The following EGFL6 variants were observed in gnomAD, a reference collection of about 807,000 sequenced individuals.
The protein encoded by EGFL6 is EGF like domain multiple 6.
In EGFL6, 42 loss-of-function variants were observed where a neutral mutation model predicts 43.1. The observed-to-expected ratio is 0.98, with a 90% CI of 0.76 to 1.26. The LOEUF (loss-of-function observed/expected upper bound fraction) is 1.26. Ranked by LOEUF, EGFL6 falls within the 50% of genes most tolerant of loss-of-function variation. The probability of loss-of-function intolerance (pLI) is 0.00; values close to 1 mark genes in which losing one functional copy is unlikely to be tolerated. For synonymous variants in EGFL6, 164 were observed against 163.2 expected (o/e 1.01, Z -0.04); for missense variants, 429 against 427.8 (o/e 1.00, Z -0.02).
chrX:13,576,166 A>G lies in EGFL6; in HGVS notation c.74+6231A>G, dbSNP rs2045469987. Among the ~76,000 whole-genome samples, 3 of 112,471 alleles carry G rather than the reference A, an allele frequency of 2.7e-5. No homozygotes were observed. In the South Asian group the frequency reaches 1.1e-3, roughly 41 times the overall value. On this transcript the variant is annotated intron_variant, in intron 1 of 11. Transcript: ENST00000361306. Reference sequence around the variant, plus strand: ...GTTCTGCAGGCTTTACAGGAAGCATAGTGGCTTCTGCCTCTGGTGAGGCCT... The same window carrying G: ...GTTCTGCAGGCTTTACAGGAAGCATGGTGGCTTCTGCCTCTGGTGAGGCCT...
At chrX:13,621,661 T>C (rs957455143) in intron 9 of EGFL6, among the ~76,000 whole-genome samples, 1 of 112,315 alleles carries the variant, frequency 8.9e-6, no homozygotes, top group Non-Finnish European at 1.9e-5. Context: ...CCCAGCATTC[T>C]AGCTCACCTG....
chrX:13,570,158 C>T (rs765051916), intron 1 of EGFL6, among the ~76,000 whole-genome samples: 117 of 111,888 alleles, frequency 1.0e-3, no homozygotes, highest in African/African-American at 3.3e-3. Flanking sequence ...GCTCCTTTTG[C>T]ATCAGCTGTG....
chrX:13,628,040 C>T (rs1402327681), intron 11 of EGFL6, among the ~76,000 whole-genome samples: 5 of 111,603 alleles, frequency 4.5e-5, no homozygotes, highest in Non-Finnish European at 9.4e-5. Context: ...TCCAGCCTCT[C>T]TAGTGGTCAA....
chrX:13,623,902 G>A lies in EGFL6; in HGVS notation c.1262G>A (p.Trp421Ter). ...WKQDREDDFD[W>*]NPADRDNAIG... Reference sequence around the variant, plus strand: ...CAGGATAGAGAAGATGATTTTGACTGGAATCCTGCTGATCGAGATAATGGT... The same window carrying A: ...CAGGATAGAGAAGATGATTTTGACTAGAATCCTGCTGATCGAGATAATGGT... Residue 421 changes from tryptophan to a stop codon, truncating the protein, a stop_gained, in exon 10 of 12, where the codon TGG becomes TAG. Coordinates refer to ENST00000361306, the MANE Select transcript of EGFL6 (RefSeq NM_015507.4). LOFTEE classifies it high-confidence loss of function. The A allele has an allele frequency of 8.3e-7, 1 of 1,202,471 alleles. No homozygotes were observed. The highest frequency in any genetic ancestry group is 1.1e-6 in the Non-Finnish European group (1 of 887,443).
chrX:13,579,687 T>A (rs1463087148), intron 1 of EGFL6, among the ~76,000 whole-genome samples: 1 of 111,581 alleles, frequency 9.0e-6, no homozygotes, highest in African/African-American at 3.3e-5. Flanking sequence ...TACTATTTCC[T>A]CAAATAGTAG....
chrX:13,632,297 G>GTTTTTT (rs1158372735), intron 11 of EGFL6, among the ~76,000 whole-genome samples: 2 of 81,176 alleles, frequency 2.5e-5, no homozygotes, highest in Non-Finnish European at 4.6e-5. Flanking sequence ...TTGTTTTTTG[G>GTTTTTT]TTTTTTTTTT....
At chrX:13,593,073 C>T (rs1448629391) in intron 2 of EGFL6, among the ~76,000 whole-genome samples, 2 of 109,600 alleles carry the variant, frequency 1.8e-5, no homozygotes, top group African/African-American at 6.6e-5. Context: ...CGCCACCACG[C>T]CTGGCTAATT....
chrX:13,608,008 T>C (rs2045669568), intron 6 of EGFL6, among the ~76,000 whole-genome samples: 1 of 112,632 alleles, frequency 8.9e-6, no homozygotes. Context: ...TTTCTGGTAT[T>C]GTTATTTAGT....
intron 1 of EGFL6, among the ~76,000 whole-genome samples, chrX:13,578,611 G>A (rs2146961868): frequency 9.0e-6 from 1 of 110,877 alleles, no homozygotes; most frequent in South Asian, 3.9e-4. Flanking sequence ...AAAAAATGAT[G>A]AGTTCATATC....
At chrX:13,583,212 C>A (rs2045517392) in intron 1 of EGFL6, among the ~76,000 whole-genome samples, 1 of 110,744 alleles carries the variant, frequency 9.0e-6, no homozygotes, top group Non-Finnish European at 1.9e-5. Flanking sequence ...CACCAACTCC[C>A]CATGTTCTTA....
intron 3 of EGFL6, among the ~76,000 whole-genome samples, chrX:13,598,332 T>C (rs1261522148): frequency 8.9e-6 from 1 of 111,773 alleles, no homozygotes; most frequent in East Asian, 2.8e-4. Context: ...TTTTCAGAGA[T>C]GAAAGCAGCT....
chrX:13,614,476 T>C (rs2045708085), intron 7 of EGFL6, among the ~76,000 whole-genome samples: 1 of 112,413 alleles, frequency 8.9e-6, no homozygotes, highest in South Asian at 3.7e-4. Context: ...CTAAGCACAG[T>C]TGAATGAATG....
chrX:13,586,834 ATCAACTGAT>A (rs1376550731), intron 1 of EGFL6, among the ~76,000 whole-genome samples: 1 of 112,596 alleles, frequency 8.9e-6, no homozygotes, highest in Non-Finnish European at 1.9e-5. Context: ...TTAAATGTCT[ATCAACTGAT>A]GAGTGGATAA....
intron 2 of EGFL6, among the ~76,000 whole-genome samples, chrX:13,591,471 G>A (rs1478647814): frequency 4.5e-5 from 5 of 111,915 alleles, no homozygotes; most frequent in South Asian, 7.6e-4. Context: ...AAATGTTCAG[G>A]TCTTAAATTG....
intron 1 of EGFL6, among the ~76,000 whole-genome samples, chrX:13,570,564 T>C (rs2045435789): frequency 8.9e-6 from 1 of 111,880 alleles, no homozygotes; most frequent in Non-Finnish European, 1.9e-5. Context: ...AGCCGTTCCC[T>C]ACTGCCCTTA....
intron 1 of EGFL6, among the ~76,000 whole-genome samples, chrX:13,589,228 A>G (rs1158756494): frequency 1.2e-4 from 14 of 112,369 alleles, no homozygotes; most frequent in Admixed American, 1.1e-3. Flanking sequence ...ACTGAAATAG[A>G]CAAAGAACTG....
intron 1 of EGFL6, chrX:13,575,207 G>A (rs1005669567): frequency 4.4e-5 from 5 of 113,109 alleles, no homozygotes; most frequent in Non-Finnish European, 9.3e-5. Flanking sequence ...GAGGCAGGCA[G>A]ATCACCTGAG....
intron 10 of EGFL6, 91 bp downstream of exon 10, chrX:13,624,016 C>A: frequency 1.4e-6 from 1 of 731,558 alleles, no homozygotes; most frequent in Non-Finnish European, 2.1e-6. Flanking sequence ...CATTACTCAT[C>A]AGAGCAGGGT....
chrX:13,582,167 A>G (rs927383138), intron 1 of EGFL6, among the ~76,000 whole-genome samples: 4 of 107,783 alleles, frequency 3.7e-5, no homozygotes, highest in Non-Finnish European at 5.8e-5. Flanking sequence ...GGTTCACGCC[A>G]TTCTCCTGCC....
Sources: allele counts gnomAD v4.1 joint callset (sites outside exome capture counted in the v4.1 genomes callset), GRCh38; gene constraint gnomAD v4.1.1; transcripts MANE v1.5; gene names NCBI Gene and HGNC (gene_info 2026-07-23, HGNC 2026-07-21).